The following ARID3B variants were observed in gnomAD, a reference collection of about 807,000 sequenced individuals.
The protein encoded by ARID3B is AT-rich interaction domain 3B, also known as AT-rich interactive domain-containing protein 3B.
ARID3B carries 10 observed loss-of-function variants against 51.9 expected under a neutral mutation model. The observed-to-expected ratio is 0.19, with a 90% CI of 0.12 to 0.33. The LOEUF (loss-of-function observed/expected upper bound fraction) is 0.33, where lower values mean the gene tolerates loss of function less well. Among genes scored for constraint, ARID3B ranks in the 10% least tolerant of loss-of-function variants. ARID3B has a pLI of 1.00. For synonymous variants in ARID3B, 205 were observed against 279.5 expected, an observed-to-expected ratio of 0.73 and a Z score of 2.66; for missense variants, 483 against 716.3, an observed-to-expected ratio of 0.67 and a Z score of 3.72.
At chr15:74,593,057 G>A in intron 7 of ARID3B, 81 bp from the exon 8 acceptor site, 1 of 1,234,750 alleles carries the variant, frequency 8.1e-7, no homozygotes, top group Non-Finnish European at 1.2e-6. Flanking sequence ...TTTGACCAGG[G>A]GTGGCCAGGC....
chr15:74,585,131 C>T lies in ARID3B; in HGVS notation c.698-4689C>T, dbSNP rs545703910. 1.1e-3 allele frequency among the ~76,000 whole-genome samples: 160 copies of T among 152,334 alleles called. No individual in the cohort carries two copies. In the Middle Eastern group the frequency reaches 0.017, roughly 16 times the overall value. Reference sequence around the variant, plus strand: ...TCCACAGGCTTCCCCATCAGGTGCTCACCCCCTTCTGGGAGGCATGATGGG... The same window carrying T: ...TCCACAGGCTTCCCCATCAGGTGCTTACCCCCTTCTGGGAGGCATGATGGG... On this transcript the variant is annotated intron_variant, in intron 4 of 8. Coordinates refer to ENST00000346246, the MANE Select transcript of ARID3B (RefSeq NM_006465.4).
rs28478030 is a variant in ARID3B at position 74,565,734 on chromosome 15, G to T, written c.553-7128G>T. On this transcript the variant is annotated intron_variant, in intron 2 of 8. Coordinates refer to ENST00000346246, the MANE Select transcript of ARID3B (RefSeq NM_006465.4). ...GAAGCATGGTCTCGTTGTTTTTTTTGTTTTTTTTTTTTTTAATCCCAGTAA... is the reference window on the plus strand; with the variant it reads ...GAAGCATGGTCTCGTTGTTTTTTTTTTTTTTTTTTTTTTTAATCCCAGTAA... Among the ~76,000 whole-genome samples, 102 of 140,470 alleles carry T rather than the reference G, an allele frequency of 7.3e-4. 1 individual carries two copies. Among genetic ancestry groups the T allele is most frequent in the East Asian group, 2.9e-3 (14 of 4,888 alleles). The allele number at this position is 140,470 out of a possible 152,430, so 92.2% of individuals were successfully genotyped here.
chr15:74,591,927 G>GC lies in ARID3B; in HGVS notation c.1420+117dup. On this transcript the variant is annotated intron_variant, in intron 7 of 8. Transcript: ENST00000346246. This position sits in a 1 kb window ranked among gnomAD's most constrained non-coding sequence, Gnocchi z 5.8. ...GGCACATACTCCTGACCTGGAAGAG[G>GC]CCCCTCCAGGTTCTGCCTTCCAGGC... 1 of 1,474,172 alleles carries GC rather than the reference G, an allele frequency of 6.8e-7. No individual in the cohort carries two copies. The highest frequency in any genetic ancestry group is 9.1e-7 in the Non-Finnish European group (1 of 1,099,056). 91.3% of individuals were successfully genotyped at this position (1,474,172 alleles called of 1,614,324 possible). A position where few individuals can be genotyped will look rare whatever the true frequency, so the allele number is the denominator to read the frequency against.
chr15:74,558,282 A>G (rs1220451880), intron 2 of ARID3B, among the ~76,000 whole-genome samples: 1 of 150,758 alleles, frequency 6.6e-6, no homozygotes, highest in Non-Finnish European at 1.5e-5. Context: ...TTCTTTTAAA[A>G]TCTTATGTAT....
At chr15:74,588,755 C>T (rs998580918) in intron 4 of ARID3B, among the ~76,000 whole-genome samples, 5 of 152,184 alleles carry the variant, frequency 3.3e-5, no homozygotes, top group Admixed American at 6.5e-5. Flanking sequence ...CCTTCCTCCT[C>T]GGTGCCAGGT....
At chr15:74,589,744 G>A in intron 4 of ARID3B, 76 bp from the exon 5 acceptor site, 2 of 1,436,610 alleles carry the variant, frequency 1.4e-6, no homozygotes, top group Non-Finnish European at 9.5e-7. Flanking sequence ...CTCGGCTAAA[G>A]GTGGGCATAC....
At chr15:74,566,979 C>T (rs552395020) in intron 2 of ARID3B, among the ~76,000 whole-genome samples, 76 of 151,520 alleles carry the variant, frequency 5.0e-4, no homozygotes, top group African/African-American at 1.4e-3. Flanking sequence ...AGTTCCAATC[C>T]GATTAGGTGT....
At chr15:74,590,198 C>T (rs2061798148) in intron 5 of ARID3B, among the ~76,000 whole-genome samples, 195 bp downstream of exon 5, 1 of 152,230 alleles carries the variant, frequency 6.6e-6, no homozygotes, top group Non-Finnish European at 1.5e-5. Flanking sequence ...CAAGTGTCTA[C>T]TCTGTGCTGG....
chr15:74,546,232 A>G (rs576616172), intron 2 of ARID3B, among the ~76,000 whole-genome samples: 1 of 152,342 alleles, frequency 6.6e-6, no homozygotes, highest in Admixed American at 6.5e-5. Context: ...TTAGCAAAAC[A>G]TCTGTGAGTT....
chr15:74,550,404 T>TA (rs966439630), intron 2 of ARID3B, among the ~76,000 whole-genome samples: 5 of 151,964 alleles, frequency 3.3e-5, no homozygotes, highest in African/African-American at 1.2e-4. Context: ...ATTAAGACCC[T>TA]ACTTCCCGCC....
At chr15:74,556,479 CAG>C (rs1405058794) in intron 2 of ARID3B, among the ~76,000 whole-genome samples, 1 of 152,164 alleles carries the variant, frequency 6.6e-6, no homozygotes, top group Non-Finnish European at 1.5e-5. Flanking sequence ...CAGTATGTGA[CAG>C]AGACACAAAG....
chr15:74,582,332 T>C (rs781563564), intron 4 of ARID3B, among the ~76,000 whole-genome samples: 1 of 152,110 alleles, frequency 6.6e-6, no homozygotes, highest in Non-Finnish European at 1.5e-5. Context: ...CACGTCTGGC[T>C]AATTTTTATA....
intron 2 of ARID3B, among the ~76,000 whole-genome samples, chr15:74,569,221 G>GTTA (rs2061710496): frequency 1.3e-5 from 2 of 152,172 alleles, no homozygotes; most frequent in Admixed American, 1.3e-4. Context: ...AAAATAACTG[G>GTTA]TTAAGCCTGT....
At chr15:74,543,590 A>G (rs1036373310) in intron 1 of ARID3B, among the ~76,000 whole-genome samples, 1 of 152,158 alleles carries the variant, frequency 6.6e-6, no homozygotes, top group Non-Finnish European at 1.5e-5. Context: ...CAGACTAGAT[A>G]TTGGCTGGAT....
chr15:74,569,473 G>C (rs2061711801), intron 2 of ARID3B, among the ~76,000 whole-genome samples: 1 of 152,162 alleles, frequency 6.6e-6, no homozygotes, highest in African/African-American at 2.4e-5. Flanking sequence ...TGTAGTCCCA[G>C]CTACTCAGGA....
intron 2 of ARID3B, among the ~76,000 whole-genome samples, chr15:74,566,051 C>G (rs909237892): frequency 2.0e-4 from 31 of 152,136 alleles, no homozygotes; most frequent in African/African-American, 7.5e-4. Flanking sequence ...CTTTCTCTTT[C>G]ATCCCCTCAA....
intron 2 of ARID3B, among the ~76,000 whole-genome samples, chr15:74,568,587 A>G (rs1012621598): frequency 1.3e-5 from 2 of 152,224 alleles, no homozygotes; most frequent in African/African-American, 4.8e-5. Flanking sequence ...GAAGGCACAC[A>G]AACACTAGCT....
chr15:74,591,797 T>C lies in ARID3B; in HGVS notation c.1403T>C (p.Ile468Thr). Residue 468 changes from isoleucine to threonine, a missense_variant, in exon 7 of 9, where the codon ATC becomes ACC. Physicochemically the swap from Ile to Thr is moderately conservative, Grantham distance 89 (BLOSUM62 -1). Coordinates refer to ENST00000346246, the MANE Select transcript of ARID3B (RefSeq NM_006465.4). This position sits in a 1 kb window ranked among gnomAD's most constrained non-coding sequence, Gnocchi z 5.8. ...FSMARQLPMKIRINGREDRAE... is the reference protein window; with the variant it reads ...FSMARQLPMKTRINGREDRAE... ...ATGGCACGGCAGCTCCCCATGAAGATCAGGATCAACGGCAGGGGTGAGCCA... is the reference window on the plus strand; with the variant it reads ...ATGGCACGGCAGCTCCCCATGAAGACCAGGATCAACGGCAGGGGTGAGCCA... The C allele has an allele frequency of 6.2e-7, 1 of 1,613,646 alleles. No individual in the cohort carries two copies.
chr15:74,584,091 A>G (rs555761174), intron 4 of ARID3B, among the ~76,000 whole-genome samples: 1 of 152,210 alleles, frequency 6.6e-6, no homozygotes, highest in African/African-American at 2.4e-5. Context: ...GGTTTTTTAC[A>G]TGGATATACT....
Sources: gnomAD v4.1 joint callset for allele counts (sites outside exome capture counted in the v4.1 genomes callset) on GRCh38, gnomAD v4.1.1 for gene constraint, Gnocchi (gnomAD v3.1) non-coding constraint, MANE v1.5 for transcripts, NCBI Gene and HGNC (gene_info 2026-07-23, HGNC 2026-07-21) for gene names.